The following CEP128 variants were observed in gnomAD, a reference collection of about 807,000 sequenced individuals.
CEP128 encodes the protein centrosomal protein 128, also known as centrosomal protein 128kDa.
In CEP128, 132 loss-of-function variants were observed where a neutral mutation model predicts 156.7. The observed-to-expected ratio is 0.84, with a 90% confidence interval of 0.73 to 0.97. CEP128 has a LOEUF of 0.97. Among genes scored for constraint, CEP128 ranks in the 50% least tolerant of loss-of-function variants. The probability of loss-of-function intolerance (pLI) is 0.00; values close to 1 mark genes in which losing one functional copy is unlikely to be tolerated. For missense variants in CEP128, 1,252 were observed against 1,281.9 expected, an observed-to-expected ratio of 0.98 and a Z score of 0.36; for synonymous variants, 469 against 448.9, an observed-to-expected ratio of 1.04 and a Z score of -0.57.
intron 19 of CEP128, among the ~76,000 whole-genome samples, chr14:80,695,731 A>C (rs886708154): frequency 6.6e-6 from 1 of 151,834 alleles, no homozygotes; most frequent in African/African-American, 2.4e-5. Flanking sequence ...AAAAAAAAGA[A>C]ATTGCAGGGT....
At chr14:80,835,386 G>A (rs1886022101) in intron 12 of CEP128, among the ~76,000 whole-genome samples, 2 of 152,186 alleles carry the variant, frequency 1.3e-5, no homozygotes, top group African/African-American at 4.8e-5. Flanking sequence ...TTCTGGCAAT[G>A]TGGAAATTCT....
intron 19 of CEP128, among the ~76,000 whole-genome samples, chr14:80,607,940 T>A (rs1387383689): frequency 6.6e-6 from 1 of 152,150 alleles, no homozygotes; most frequent in Non-Finnish European, 1.5e-5. Context: ...ATTACAACTC[T>A]CCTCCACGCA....
At chr14:80,650,695 G>T (rs1159679993) in intron 19 of CEP128, among the ~76,000 whole-genome samples, 1 of 152,108 alleles carries the variant, frequency 6.6e-6, no homozygotes, top group Non-Finnish European at 1.5e-5. Context: ...TTTGTCATTG[G>T]TTCTGTTTAT....
intron 19 of CEP128, among the ~76,000 whole-genome samples, chr14:80,700,486 A>G (rs1013169406): frequency 3.3e-5 from 5 of 152,080 alleles, no homozygotes; most frequent in Non-Finnish European, 1.5e-5. Flanking sequence ...TAGAAAATAA[A>G]CCAAAGAATA....
chr14:80,931,596 T>C (rs905339895), intron 2 of CEP128, among the ~76,000 whole-genome samples: 3 of 152,240 alleles, frequency 2.0e-5, no homozygotes, highest in African/African-American at 7.2e-5. Flanking sequence ...CAGTCACTAC[T>C]GGCAGCACAT....
intron 9 of CEP128, among the ~76,000 whole-genome samples, chr14:80,857,649 C>G (rs573285376): frequency 1.3e-5 from 2 of 150,654 alleles, no homozygotes; most frequent in South Asian, 2.1e-4. Flanking sequence ...GCTGAGGTGG[C>G]AGAATCTCTT....
At chr14:80,752,900 A>G (rs1899464518) in intron 18 of CEP128, among the ~76,000 whole-genome samples, 1 of 152,208 alleles carries the variant, frequency 6.6e-6, no homozygotes, top group African/African-American at 2.4e-5. Flanking sequence ...ATGCTTGTCA[A>G]TGCCTAGAAT....
chr14:80,522,678 C>T (rs978660090), intron 23 of CEP128, among the ~76,000 whole-genome samples: 3 of 152,144 alleles, frequency 2.0e-5, no homozygotes, highest in Admixed American at 6.6e-5. Context: ...AACCATGCTC[C>T]TCTGTGAATT....
At chr14:80,590,600 A>C (rs1453139932) in intron 19 of CEP128, among the ~76,000 whole-genome samples, 1 of 152,166 alleles carries the variant, frequency 6.6e-6, no homozygotes, top group African/African-American at 2.4e-5. Context: ...AATGACTAAA[A>C]GAAATTCTCT....
At chr14:80,929,485 A>C (rs138424678) in intron 2 of CEP128, among the ~76,000 whole-genome samples, 184 of 152,348 alleles carry the variant, frequency 1.2e-3, no homozygotes, top group African/African-American at 4.2e-3. Context: ...CCATCAACTG[A>C]TGAGTGCATA....
intron 2 of CEP128, among the ~76,000 whole-genome samples, chr14:80,930,645 A>G (rs1234523445): frequency 1.3e-5 from 2 of 152,258 alleles, no homozygotes; most frequent in Non-Finnish European, 2.9e-5. Context: ...CAGCTATGCA[A>G]TAAAGCCACG....
rs1884604262 is a variant in CEP128, at chr14:80,917,068, A to G, written c.-15-506T>C. Among the ~76,000 whole-genome samples, 4 of 152,214 alleles carry G rather than the reference A, an allele frequency of 2.6e-5. 1 individual carries two copies. The highest frequency in any genetic ancestry group is 7.2e-5 in the African/African-American group (3 of 41,458). Reference sequence around the variant, plus strand: ...ACATTGACAACTCTCATGTACCTTGATTTCAAATAGAGTAGAATTAAACAA... The same window carrying G: ...ACATTGACAACTCTCATGTACCTTGGTTTCAAATAGAGTAGAATTAAACAA... On this transcript the variant is annotated intron_variant, in intron 2 of 24. Transcript: ENST00000555265.
intron 19 of CEP128, among the ~76,000 whole-genome samples, chr14:80,640,185 C>A (rs1415803648): frequency 6.6e-6 from 1 of 152,100 alleles, no homozygotes; most frequent in Non-Finnish European, 1.5e-5. Context: ...GTATATAGGA[C>A]ACACTCTCAT....
intron 24 of CEP128, among the ~76,000 whole-genome samples, chr14:80,498,219 T>C (rs1887581144): frequency 6.6e-6 from 1 of 152,180 alleles, no homozygotes; most frequent in Non-Finnish European, 1.5e-5. Flanking sequence ...GAGCGAGCTC[T>C]AATGACTCTC....
rs542044381 is a variant in CEP128 at position 80,853,997 on chromosome 14, A to G, written c.762+8760T>C. On this transcript the variant is annotated intron_variant, in intron 9 of 24. Coordinates refer to ENST00000555265, the MANE Select transcript of CEP128 (RefSeq NM_152446.5). ...AAAAAAAAAATCCCCGGGGGGAAAG[A>G]GAGAAATCCCAAATAATCCAATATT... Among the ~76,000 whole-genome samples the G allele has an allele frequency of 9.2e-5, 14 of 152,022 alleles. No individual in the cohort carries two copies. In the East Asian group the frequency reaches 2.7e-3, roughly 29 times the overall value.
At chr14:80,806,017 A>G (rs1297627159) in intron 13 of CEP128, among the ~76,000 whole-genome samples, 4 of 152,214 alleles carry the variant, frequency 2.6e-5, no homozygotes, top group Non-Finnish European at 5.9e-5. Flanking sequence ...ATAAAACATC[A>G]GGGGCCATGG....
chr14:80,589,302 C>A (rs1891948141), intron 19 of CEP128, among the ~76,000 whole-genome samples: 1 of 152,094 alleles, frequency 6.6e-6, no homozygotes, highest in African/African-American at 2.4e-5. Flanking sequence ...TGTGGTAATT[C>A]TTTATAGCAT....
At chr14:80,731,682 G>C (rs1311713027) in intron 19 of CEP128, among the ~76,000 whole-genome samples, 2 of 152,094 alleles carry the variant, frequency 1.3e-5, no homozygotes, top group Non-Finnish European at 2.9e-5. Context: ...ATCTACGAAG[G>C]AGAGCATGCA....
intron 19 of CEP128, among the ~76,000 whole-genome samples, chr14:80,729,058 G>GTGTGT (rs1344457542): frequency 0.011 from 1,125 of 105,016 alleles, 110 homozygotes; most frequent in East Asian, 0.037. Flanking sequence ...GGCTGGTGGG[G>GTGTGT]GTGTGTGTGT....
Sources: allele counts gnomAD v4.1 joint callset (sites outside exome capture counted in the v4.1 genomes callset), GRCh38; gene constraint gnomAD v4.1.1; transcripts MANE v1.5; gene names NCBI Gene and HGNC (gene_info 2026-07-23, HGNC 2026-07-21).